Variants in STAC observed in about 807,000 individuals in gnomAD.
STAC encodes SH3 and cysteine-rich domain-containing protein.
A neutral mutation model predicts 48.8 loss-of-function variants in STAC; 43 were observed. The ratio of observed to expected loss-of-function variants is 0.88; its 90% CI spans 0.69 to 1.14. The LOEUF (loss-of-function observed/expected upper bound fraction) is 1.14. Ranked by LOEUF, STAC falls within the 50% of genes most tolerant of loss-of-function variation. The pLI is 0.00. For synonymous variants in STAC, 193 were observed against 179.5 expected (o/e 1.07, Z -0.60); for missense variants, 497 against 504.0 (o/e 0.99, Z 0.13).
intron 1 of STAC, among the ~76,000 whole-genome samples, chr3:36,423,696 G>C (rs1360072131): frequency 2.0e-5 from 3 of 151,938 alleles, no homozygotes; most frequent in Non-Finnish European, 4.4e-5. Flanking sequence ...ACTGTATTTT[G>C]TTTACCATGT....
In STAC at chr3:36,540,087, C is replaced by CAG. The variant is rs148879874; in HGVS notation, c.1111-6090_1111-6089dup. Reference sequence around the variant, plus strand: ...GAGATGTGATGATGGAAGCCGGGGTCAGAGAGAGAGAGAGATTTGAAGATG... The same window carrying CAG: ...GAGATGTGATGATGGAAGCCGGGGTCAGAGAGAGAGAGAGAGATTTGAAGATG... On this transcript the variant is annotated intron_variant, in intron 10 of 10. Transcript: ENST00000273183. Among the ~76,000 whole-genome samples the CAG allele has an allele frequency of 3.3e-5, 5 of 150,450 alleles. No homozygotes were observed. The South Asian group carries it at 8.4e-4, about 25-fold the overall frequency.
chr3:36,384,787 C>T (rs1422009019), intron 1 of STAC, among the ~76,000 whole-genome samples: 1 of 152,102 alleles, frequency 6.6e-6, no homozygotes, highest in African/African-American at 2.4e-5. Flanking sequence ...GACCCTCATT[C>T]CTGGAGGATT....
intron 1 of STAC, among the ~76,000 whole-genome samples, chr3:36,403,731 T>C (rs1482947966): frequency 1.3e-5 from 2 of 151,926 alleles, no homozygotes; most frequent in Non-Finnish European, 2.9e-5. Flanking sequence ...AAGAAACAGG[T>C]GACCTTATCA....
chr3:36,535,282 T>C (rs1699172616), intron 10 of STAC, among the ~76,000 whole-genome samples: 1 of 152,210 alleles, frequency 6.6e-6, no homozygotes, highest in Non-Finnish European at 1.5e-5. Context: ...TTGTCCGTTG[T>C]TGGCGTATAG....
At chr3:36,434,664 C>T (rs1472623750) in intron 1 of STAC, among the ~76,000 whole-genome samples, 1 of 152,296 alleles carries the variant, frequency 6.6e-6, no homozygotes, top group Non-Finnish European at 1.5e-5. Context: ...CAGAACCACC[C>T]CTTTCCCATA....
At chr3:36,496,650 G>T (rs1698160006) in intron 6 of STAC, among the ~76,000 whole-genome samples, 1 of 152,184 alleles carries the variant, frequency 6.6e-6, no homozygotes, top group African/African-American at 2.4e-5. Flanking sequence ...TATGGTTGTT[G>T]TTTTGAACAC....
intron 2 of STAC, among the ~76,000 whole-genome samples, chr3:36,462,789 A>G (rs6767011): frequency 0.91 from 138,405 of 152,242 alleles, 63,151 homozygotes; most frequent in African/African-American, 0.98. Context: ...TGTGGATGGT[A>G]AGGAAGAGAT....
intron 10 of STAC, among the ~76,000 whole-genome samples, chr3:36,534,830 T>A (rs1385236598): frequency 6.6e-6 from 1 of 152,044 alleles, no homozygotes; most frequent in Non-Finnish European, 1.5e-5. Flanking sequence ...CATGCCCAGA[T>A]GATTTTTGTA....
intron 2 of STAC, among the ~76,000 whole-genome samples, chr3:36,456,065 G>GCA (rs1469344524): frequency 3.3e-4 from 24 of 72,192 alleles, no homozygotes; most frequent in Non-Finnish European, 5.7e-4. Context: ...ACACACACGT[G>GCA]CGCACACACA....
intron 1 of STAC, among the ~76,000 whole-genome samples, chr3:36,408,492 C>G (rs1201483702): frequency 6.6e-6 from 1 of 152,260 alleles, no homozygotes; most frequent in East Asian, 1.9e-4. Flanking sequence ...CTCCATATTA[C>G]CATATTCTCA....
intron 10 of STAC, among the ~76,000 whole-genome samples, chr3:36,544,711 T>C (rs1417200102): frequency 6.6e-6 from 1 of 152,174 alleles, no homozygotes; most frequent in Non-Finnish European, 1.5e-5. Context: ...AAAAAAGTTG[T>C]AGGTCTCAGC....
intron 5 of STAC, among the ~76,000 whole-genome samples, chr3:36,492,625 G>A (rs1698021756): frequency 1.3e-5 from 2 of 152,134 alleles, no homozygotes; most frequent in East Asian, 1.9e-4. Flanking sequence ...TAACCTAAGT[G>A]GAAGAATGAT....
intron 8 of STAC, chr3:36,506,300 G>A (rs1015333751): frequency 2.0e-5 from 3 of 152,508 alleles, no homozygotes; most frequent in African/African-American, 7.2e-5. Context: ...ATATGTTTTT[G>A]TACCAGTACC....
intron 2 of STAC, among the ~76,000 whole-genome samples, chr3:36,447,647 C>T (rs1222955558): frequency 1.6e-5 from 2 of 124,482 alleles, no homozygotes; most frequent in Non-Finnish European, 3.3e-5. Flanking sequence ...TATGTATACA[C>T]ACCACACACA....
chr3:36,426,020 AC>A (rs1575190461), intron 1 of STAC, among the ~76,000 whole-genome samples: 1 of 152,126 alleles, frequency 6.6e-6, no homozygotes. Flanking sequence ...TGACAGCAAG[AC>A]CCTCTCTCTC....
At chr3:36,409,155 T>G (rs538396521) in intron 1 of STAC, among the ~76,000 whole-genome samples, 1 of 152,304 alleles carries the variant, frequency 6.6e-6, no homozygotes, top group African/African-American at 2.4e-5. Flanking sequence ...TAGAAGTATA[T>G]AAACGTGGGT....
In STAC at chr3:36,422,559, T is replaced by C. The variant is rs1304760876; in HGVS notation, c.112-20805T>C. Among the ~76,000 whole-genome samples, 7 of 152,224 alleles carry C rather than the reference T, an allele frequency of 4.6e-5. No individual in the cohort carries two copies. In the South Asian group the frequency reaches 1.5e-3, roughly 32 times the overall value. The stretch of plus-strand genomic sequence containing the variant: ...AGAAAAATATTCCACAAAATGACAA[T>C]TTTTTAATAAATATGTAAAACATTT... On this transcript the variant is annotated intron_variant, in intron 1 of 10. Transcript: ENST00000273183.
intron 10 of STAC, among the ~76,000 whole-genome samples, chr3:36,542,119 AGGG>A (rs769361521): frequency 1.6e-4 from 24 of 151,874 alleles, no homozygotes; most frequent in Non-Finnish European, 3.4e-4. Flanking sequence ...AAGAGAAGGG[AGGG>A]GAAAGGAGAA....
rs142004367 is a variant in STAC, at chr3:36,520,749, G to T, written c.921-7947G>T. Among the ~76,000 whole-genome samples, 338 of 152,284 alleles carry T rather than the reference G, an allele frequency of 2.2e-3. 2 individuals carry two copies. The highest frequency in any genetic ancestry group is 7.6e-3 in the African/African-American group (314 of 41,560). On this transcript the variant is annotated intron_variant, in intron 8 of 10. Transcript: ENST00000273183. ...ATGCTGCACTATGTCAAGAAACCCAGATCTTCCCAAATGTCACTAATGTGT... is the reference window on the plus strand; with the variant it reads ...ATGCTGCACTATGTCAAGAAACCCATATCTTCCCAAATGTCACTAATGTGT...
Sources: gnomAD v4.1 joint callset for allele counts (sites outside exome capture counted in the v4.1 genomes callset) on GRCh38, gnomAD v4.1.1 for gene constraint, MANE v1.5 for transcripts, NCBI Gene and HGNC (gene_info 2026-07-23, HGNC 2026-07-21) for gene names.